Variants in SVEP1 observed in about 807,000 individuals in gnomAD.
The protein encoded by SVEP1 is sushi, von Willebrand factor type A, EGF and pentraxin domain containing 1.
Under a neutral mutation model 367.3 loss-of-function variants are expected in SVEP1, and 164 were observed. The observed-to-expected ratio is 0.45, with a 90% CI of 0.39 to 0.51. The LOEUF is 0.51. Ranked by LOEUF, SVEP1 falls within the 20% of genes least tolerant of loss-of-function variation. SVEP1 has a pLI of 0.00. For missense variants in SVEP1, 4,117 were observed against 4,425.3 expected, an observed-to-expected ratio of 0.93 and a Z score of 1.98; for synonymous variants, 1,666 against 1,611.6, an observed-to-expected ratio of 1.03 and a Z score of -0.81.
chr9:110,455,597 A>C lies in SVEP1; in HGVS notation c.3780T>G (p.Gly1260=). The change falls in exon 22 of 48, where the codon GGT becomes GGG. Residue 1260 remains glycine (G), a synonymous_variant. Coordinates refer to ENST00000374469, the MANE Select transcript of SVEP1 (RefSeq NM_153366.4). ...VGEFICECPS[G]YTGQRCEENI... ...AGGAGACCTTCCCCTTACCTGTGTA[A>C]CCTGATGGGCACTCACAAATGAATT... 3.7e-6 allele frequency: 6 copies of C among 1,612,868 alleles called. No homozygotes were observed. The highest frequency in any genetic ancestry group is 5.1e-6 in the Non-Finnish European group (6 of 1,179,328).
At chr9:110,481,524 A>T in intron 11 of SVEP1, 88 bp from the exon 12 acceptor site, 2 of 942,138 alleles carry the variant, frequency 2.1e-6, no homozygotes, top group Non-Finnish European at 2.9e-6. Flanking sequence ...TTTGAAAAGG[A>T]CTCCTCCTGT....
intron 37 of SVEP1, among the ~76,000 whole-genome samples, chr9:110,409,674 C>T (rs1206960374): frequency 6.6e-6 from 1 of 152,048 alleles, no homozygotes; most frequent in Non-Finnish European, 1.5e-5. Context: ...CATAAATAGT[C>T]AAATAAAATG....
chr9:110,506,696 T>C (rs572846738), intron 5 of SVEP1, among the ~76,000 whole-genome samples: 2 of 152,308 alleles, frequency 1.3e-5, no homozygotes, highest in South Asian at 4.1e-4. Context: ...CCTACACTTC[T>C]TGTCCTCTAG....
At chr9:110,379,314 C>T in intron 44 of SVEP1, 33 bp downstream of exon 44, 1 of 1,603,216 alleles carries the variant, frequency 6.2e-7, no homozygotes, top group Non-Finnish European at 8.5e-7. Context: ...CCTGCAGTTT[C>T]ACTAAGAAAT....
intron 24 of SVEP1, 122 bp downstream of exon 24, chr9:110,449,937 C>A (rs1301352529): frequency 5.2e-6 from 6 of 1,152,244 alleles, no homozygotes; most frequent in Admixed American, 2.0e-5. Context: ...TGTAGCCTAT[C>A]CTCGGGCCAG....
intron 1 of SVEP1, among the ~76,000 whole-genome samples, chr9:110,564,586 C>T (rs1336041887): frequency 6.6e-6 from 1 of 151,972 alleles, no homozygotes; most frequent in Admixed American, 6.5e-5. Context: ...ATCTTAAATT[C>T]ATAAAAAAAC....
intron 14 of SVEP1, among the ~76,000 whole-genome samples, chr9:110,474,241 C>T (rs1035874337): frequency 2.0e-5 from 3 of 152,170 alleles, no homozygotes; most frequent in African/African-American, 7.2e-5. Context: ...CTCAGGTGAT[C>T]TGCCCACCTC....
chr9:110,404,543 T>G lies in SVEP1; in HGVS notation c.9450A>C (p.Glu3150Asp). The G allele has an allele frequency of 6.2e-7, 1 of 1,613,956 alleles. No homozygotes were observed. The highest frequency in any genetic ancestry group is 8.5e-7 in the Non-Finnish European group (1 of 1,179,832). ...YESEVKLRCL[E>D]GYTMDTDTDT... ...CTGTATCTGTATCCATCGTATAACC[T>G]TCCAGACATCTGCAATGGAAATGCA... is the stretch of plus-strand genomic sequence containing the variant. The change falls in exon 39 of 48, where the codon GAA becomes GAC. Residue 3150 changes from glutamate (E) to aspartate (D), a missense_variant. By Grantham distance (45) the Glu-to-Asp change is conservative. Transcript: ENST00000374469.
chr9:110,513,101 G>A lies in SVEP1; in HGVS notation c.1128C>T (p.Val376=), dbSNP rs377473087. ...CGGGAGGCTTCAGGGCAGGGCAGTG[G>A]ACAACTAACATTTACAAAAATAAAA... ...YRASGQTCEL[V]HCPALKPPEN... is the part of the protein sequence containing the mutation. Residue 376 remains valine (V), a synonymous_variant, in exon 5 of 48, where the codon GTC becomes GTT. Transcript: ENST00000374469. 1.2e-6 allele frequency: 2 copies of A among 1,608,226 alleles called. No individual in the cohort carries two copies. The highest frequency in any genetic ancestry group is 1.1e-5 in the South Asian group (1 of 90,416).
At chr9:110,438,994 CCG>C (rs1231125899) in intron 27 of SVEP1, among the ~76,000 whole-genome samples, 1 of 152,148 alleles carries the variant, frequency 6.6e-6, no homozygotes, top group Non-Finnish European at 1.5e-5. Flanking sequence ...CTCACCAACT[CCG>C]TTTTTTAGAA....
chr9:110,368,176 G>A (rs1449582785), intron 47 of SVEP1, among the ~76,000 whole-genome samples: 3 of 152,172 alleles, frequency 2.0e-5, no homozygotes, highest in Non-Finnish European at 4.4e-5. Flanking sequence ...GGAAGAGGTG[G>A]TGACATGGGA....
At chr9:110,416,705 C>T (rs1205185062) in intron 36 of SVEP1, among the ~76,000 whole-genome samples, 1 of 151,976 alleles carries the variant, frequency 6.6e-6, no homozygotes, top group South Asian at 2.1e-4. Flanking sequence ...ACACCATAGT[C>T]ATCTCATAGC....
In SVEP1 at chr9:110,546,203, T is replaced by A; in HGVS notation, c.876A>T (p.Gly292=). The A allele has an allele frequency of 6.3e-7, 1 of 1,575,108 alleles. No individual in the cohort carries two copies. Among genetic ancestry groups the A allele is most frequent in the South Asian group, 1.2e-5 (1 of 85,386 alleles). ...CTGTGTGTGTCCCACATTTGCAGCT[T>A]CCCATTCGGTCACAGCAGTCCTTGC... ...DEGKDCCDRM[G]SCKCGTHTGH... Residue 292 remains glycine (G), a synonymous_variant, in exon 3 of 48, where the codon GGA becomes GGT. Coordinates refer to ENST00000374469, the MANE Select transcript of SVEP1 (RefSeq NM_153366.4).
intron 37 of SVEP1, 71 bp from the exon 38 acceptor site, chr9:110,409,022 T>C: frequency 7.4e-6 from 11 of 1,482,298 alleles, no homozygotes; most frequent in South Asian, 2.9e-5. Context: ...AATCCTTGGA[T>C]AGTGAAAAAA....
chr9:110,550,002 G>T lies in SVEP1; in HGVS notation c.634C>A (p.Arg212=), dbSNP rs368175556. The change falls in exon 2 of 48, where the codon CGA becomes AGA. Residue 212 remains arginine, a synonymous_variant. Coordinates refer to ENST00000374469, the MANE Select transcript of SVEP1 (RefSeq NM_153366.4). The part of the protein sequence containing the change: ...GDPRPIAASL[R]DSGVEIFTFG... ...GTGAAGATCTCCACTCCTGAATCTC[G>T]CAGTGACGCTGCAATTGGTCTAGGG... 2 of 1,613,732 alleles carry T rather than the reference G, an allele frequency of 1.2e-6. No individual in the cohort carries two copies. Among genetic ancestry groups the T allele is most frequent in the Non-Finnish European group, 1.7e-6 (2 of 1,179,842 alleles).
chr9:110,447,848 T>A lies in SVEP1; in HGVS notation c.4104-791A>T, dbSNP rs1222449083. On this transcript the variant is annotated intron_variant, in intron 24 of 47. Transcript: ENST00000374469. Reference sequence around the variant, plus strand: ...ATGGAGAGGAGAATGAGAAAATGAATCATGGTGTAGTTAATTCCATCATGT... The same window carrying A: ...ATGGAGAGGAGAATGAGAAAATGAAACATGGTGTAGTTAATTCCATCATGT... Among the ~76,000 whole-genome samples, 3 of 152,132 alleles carry A rather than the reference T, an allele frequency of 2.0e-5. No homozygotes were observed. In the South Asian group the frequency reaches 6.2e-4, roughly 31 times the overall value.
chr9:110,471,564 G>T lies in SVEP1; in HGVS notation c.2798C>A (p.Thr933Asn). Residue 933 changes from threonine (T) to asparagine (N), a missense_variant, in exon 16 of 48, where the codon ACC becomes AAC. Thr to Asn is a moderately conservative substitution (Grantham distance 65, BLOSUM62 0). Around this residue, in one of 4 missense-constraint regions of SVEP1, gnomAD observed 2,174 missense variants for 2,494.3 expected, o/e 0.87. Coordinates refer to ENST00000374469, the MANE Select transcript of SVEP1 (RefSeq NM_153366.4). ...SVPLPDERND[T>N]LEWENQQRLL... ...TCGTTGCTGATTTTCCCATTCAAGG[G>T]TATCATTTCTTTCATCGGGTAATGG... 6.2e-7 allele frequency: 1 copy of T among 1,613,658 alleles called. No homozygotes were observed.
Position 110,450,141 on chromosome 9 carries a change from G to T in SVEP1, c.4021C>A (p.Arg1341=). 1 of 1,613,800 alleles carries T rather than the reference G, an allele frequency of 6.2e-7. No individual in the cohort carries two copies. The highest frequency in any genetic ancestry group is 8.5e-7 in the Non-Finnish European group (1 of 1,179,820). The change falls in exon 24 of 48, where the codon CGA becomes AGA. Residue 1341 remains arginine (R), a synonymous_variant. Coordinates refer to ENST00000374469, the MANE Select transcript of SVEP1 (RefSeq NM_153366.4). Reference sequence around the variant, plus strand: ...CACTCATCGACGTTCTTTCCACATCGGGTACCCAAAAATCCAGGTGGGCAT... The same window carrying T: ...CACTCATCGACGTTCTTTCCACATCTGGTACCCAAAAATCCAGGTGGGCAT... The part of the protein sequence containing the change: ...CKCPPGFLGT[R]CGKNVDECLS...
At chr9:110,445,542 T>A (rs1168721123) in intron 26 of SVEP1, among the ~76,000 whole-genome samples, 1 of 152,198 alleles carries the variant, frequency 6.6e-6, no homozygotes, top group Non-Finnish European at 1.5e-5. Context: ...TTTCTGAAAC[T>A]TTATTCTACT....
Sources: allele counts gnomAD v4.1 joint callset (sites outside exome capture counted in the v4.1 genomes callset), GRCh38; gene constraint gnomAD v4.1.1; regional missense constraint gnomAD v4.1.1; transcripts MANE v1.5; gene names NCBI Gene and HGNC (gene_info 2026-07-23, HGNC 2026-07-21).